SYCE1L: variants seen among roughly 807,000 people sequenced by gnomAD.
SYCE1L encodes synaptonemal complex central element protein 1-like.
In SYCE1L, 51 loss-of-function variants were observed where a neutral mutation model predicts 39.6. That is an observed-to-expected ratio of 1.29 (90% CI 1.03 to 1.63). The LOEUF is 1.63. Among genes scored for constraint, SYCE1L ranks in the 40% most tolerant of loss-of-function variants. The pLI, the probability that SYCE1L is intolerant of heterozygous loss-of-function variation, is 0.00. For missense variants in SYCE1L, 426 were observed against 304.9 expected (o/e 1.40, Z -2.96); for synonymous variants, 147 against 122.4 (o/e 1.20, Z -1.33).
chr16:77,201,396 T>A (rs1257311552), intron 1 of SYCE1L: 13 of 152,118 alleles, frequency 8.5e-5, no homozygotes. Context: ...AAGGAAAAAT[T>A]GAAGGATGTA....
intron 2 of SYCE1L, among the ~76,000 whole-genome samples, chr16:77,207,541 G>C (rs2054793855): frequency 6.6e-6 from 1 of 152,332 alleles, no homozygotes; most frequent in Non-Finnish European, 1.5e-5. Flanking sequence ...GCCAGTACCA[G>C]AGCCCAGACT....
intron 5 of SYCE1L, 71 bp downstream of exon 5, chr16:77,209,215 G>T: frequency 6.7e-7 from 1 of 1,499,508 alleles, no homozygotes; most frequent in South Asian, 1.2e-5. Flanking sequence ...CCTCAGAGCA[G>T]CCAGAGGAAT....
chr16:77,202,846 T>A, intron 1 of SYCE1L, among the ~76,000 whole-genome samples: 1 of 127,992 alleles, frequency 7.8e-6, no homozygotes, highest in East Asian at 3.6e-4. Context: ...ATCTAGGCAA[T>A]GAGCATATCA....
chr16:77,207,310 G>C lies in SYCE1L; in HGVS notation c.121+810G>C, dbSNP rs78667782. On this transcript the variant is annotated intron_variant, in intron 2 of 10. Transcript: ENST00000378644. ...AGAGTGTCTGAGGGGTCAGCAGTGA[G>C]ATCTGGCAAGGGTTGGACAGCTTTT... Among the ~76,000 whole-genome samples, 223 of 152,336 alleles carry C rather than the reference G, an allele frequency of 1.5e-3. 1 individual carries two copies. In the East Asian group the frequency reaches 0.036, roughly 25 times the overall value.
chr16:77,212,764 G>C (rs2054834747), intron 10 of SYCE1L, 93 bp from the exon 11 acceptor site: 5 of 1,420,314 alleles, frequency 3.5e-6, no homozygotes, highest in Non-Finnish European at 4.6e-6. Context: ...CGGCCCCGGG[G>C]ACAGAGGAAG....
Position 77,213,148 on chromosome 16 carries a change from G to T in SYCE1L, c.*217G>T. ...GGCTGGGTAAATGCTCCTGAACTCA[G>T]AGAGAGTAAGTGGGTGTCAGTATCC... On this transcript the variant is annotated 3_prime_UTR_variant, in exon 11 of 11. Coordinates refer to ENST00000378644, the MANE Select transcript of SYCE1L (RefSeq NM_001129979.3). The T allele has an allele frequency of 2.4e-6, 1 of 425,292 alleles. No individual in the cohort carries two copies. The highest frequency in any genetic ancestry group is 4.1e-6 in the Non-Finnish European group (1 of 243,218). The allele number at this position is 425,292 out of a possible 1,614,324, so 26.3% of individuals were successfully genotyped here. A position where few individuals can be genotyped will look rare whatever the true frequency, so the allele number is the denominator to read the frequency against.
chr16:77,200,291 T>TATATATATGTATATATATATATAC, intron 1 of SYCE1L: 1 of 111,430 alleles, frequency 9.0e-6, no homozygotes, highest in African/African-American at 3.4e-5. Context: ...TATATATATA[T>TATATATATGTATATATATATATAC]ACACACACTA....
intron 1 of SYCE1L, among the ~76,000 whole-genome samples, chr16:77,204,404 C>T (rs1318191495): frequency 6.6e-6 from 1 of 152,068 alleles, no homozygotes; most frequent in Non-Finnish European, 1.5e-5. Flanking sequence ...TTAGGGAGGG[C>T]CATAATTCAA....
At chr16:77,211,709 G>T (rs764085283) in intron 7 of SYCE1L, among the ~76,000 whole-genome samples, 1 of 152,210 alleles carries the variant, frequency 6.6e-6, no homozygotes, top group Non-Finnish European at 1.5e-5. Flanking sequence ...GGGGACGGTG[G>T]AGGCACCAAG....
chr16:77,205,526 A>T (rs1178138348), intron 1 of SYCE1L, among the ~76,000 whole-genome samples: 1 of 150,794 alleles, frequency 6.6e-6, no homozygotes. Context: ...TAGTTGATTG[A>T]TATATGCCTC....
chr16:77,205,057 AAAAG>A (rs2054776320), intron 1 of SYCE1L, among the ~76,000 whole-genome samples: 1 of 89,708 alleles, frequency 1.1e-5, no homozygotes, highest in Non-Finnish European at 2.5e-5. Flanking sequence ...AAAAAAAAAA[AAAAG>A]AAAAGAAAAA....
intron 2 of SYCE1L, among the ~76,000 whole-genome samples, 194 bp downstream of exon 2, chr16:77,206,694 A>T (rs529679783): frequency 6.6e-6 from 1 of 152,214 alleles, no homozygotes; most frequent in East Asian, 1.9e-4. Flanking sequence ...GGAATGGAAA[A>T]ACCAGTTCCC....
intron 2 of SYCE1L, among the ~76,000 whole-genome samples, chr16:77,207,711 C>T (rs2054795029): frequency 6.6e-6 from 1 of 152,154 alleles, no homozygotes; most frequent in South Asian, 2.1e-4. Flanking sequence ...TTACTTTCTG[C>T]TACTCTCCAC....
intron 2 of SYCE1L, among the ~76,000 whole-genome samples, chr16:77,207,440 C>T (rs1026081169): frequency 6.6e-6 from 1 of 152,112 alleles, no homozygotes; most frequent in African/African-American, 2.4e-5. Flanking sequence ...AGAGGTGATT[C>T]CCTAAAGGGA....
chr16:77,202,726 A>G lies in SYCE1L; in HGVS notation c.61+3214A>G, dbSNP rs114616681. Among the ~76,000 whole-genome samples, 560 of 152,342 alleles carry G rather than the reference A, an allele frequency of 3.7e-3. 3 individuals carry two copies. Among genetic ancestry groups the G allele is most frequent in the African/African-American group, 0.013 (542 of 41,566 alleles). On this transcript the variant is annotated intron_variant, in intron 1 of 10. Transcript: ENST00000378644. ...ATGTCCTTAAGTAGTTGAGACTCCT[A>G]ATGAAGTTTCTGGGAATAAAATGTC...
chr16:77,207,495 A>C (rs778909926), intron 2 of SYCE1L, among the ~76,000 whole-genome samples: 59 of 152,212 alleles, frequency 3.9e-4, no homozygotes, highest in Non-Finnish European at 7.6e-4. Context: ...TGCCACCAAC[A>C]GTGTAAAAGC....
At chr16:77,203,823 G>T (rs2054764797) in intron 1 of SYCE1L, among the ~76,000 whole-genome samples, 1 of 152,030 alleles carries the variant, frequency 6.6e-6, no homozygotes, top group Non-Finnish European at 1.5e-5. Flanking sequence ...TCGAACTCCT[G>T]ACCTCAGATG....
intron 4 of SYCE1L, 47 bp downstream of exon 4, chr16:77,208,586 G>T: frequency 1.3e-6 from 2 of 1,537,664 alleles, no homozygotes; most frequent in Non-Finnish European, 1.8e-6. Flanking sequence ...AGATGTTCCT[G>T]TGCATACCTC....
intron 10 of SYCE1L, 26 bp from the exon 11 acceptor site, chr16:77,212,831 C>T (rs987332540): frequency 1.2e-4 from 173 of 1,461,402 alleles, no homozygotes; most frequent in Admixed American, 3.6e-4. Flanking sequence ...GGAACCTGGT[C>T]CGCAGCCTCA....
Sources: allele counts gnomAD v4.1 joint callset (sites outside exome capture counted in the v4.1 genomes callset), GRCh38; gene constraint gnomAD v4.1.1; transcripts MANE v1.5; gene names NCBI Gene and HGNC (gene_info 2026-07-23, HGNC 2026-07-21).